SLC9D1: variants seen among roughly 807,000 people sequenced by gnomAD.
SLC9D1 encodes putative LAG1-interacting protein.
At chr13:113,498,460 G>C in the SLC9D1 span, 1 of 1,590,804 alleles carries the variant, frequency 6.3e-7, no homozygotes, top group South Asian at 1.2e-5. Context: ...GAAGATGTAA[G>C]AAAGGCAGCG....
chr13:113,524,739 C>T, the SLC9D1 span, among the ~76,000 whole-genome samples: 1 of 151,558 alleles, frequency 6.6e-6, no homozygotes, highest in African/African-American at 2.4e-5. Context: ...AATGGTGTAT[C>T]CTTTTCATAC....
chr13:113,536,464 T>G, the SLC9D1 span: 1 of 569,618 alleles, frequency 1.8e-6, no homozygotes, highest in Non-Finnish European at 2.2e-6. Context: ...TGTAGTGATT[T>G]TAACTATTTC....
the SLC9D1 span, chr13:113,534,039 T>G: frequency 6.3e-6 from 10 of 1,582,392 alleles, no homozygotes; most frequent in Non-Finnish European, 7.7e-6. Flanking sequence ...CTTTTTTCTT[T>G]CCCAGCATTG....
chr13:113,538,613 G>A, the SLC9D1 span, among the ~76,000 whole-genome samples: 1 of 152,248 alleles, frequency 6.6e-6, no homozygotes, highest in Non-Finnish European at 1.5e-5. Context: ...GCAGTGTCAG[G>A]TGCAGGCCTT....
the SLC9D1 span, chr13:113,549,599 C>A: frequency 3.1e-6 from 5 of 1,607,694 alleles, no homozygotes; most frequent in Non-Finnish European, 4.3e-6. Context: ...GCTTAGATGG[C>A]CAGCAGCTGC....
the SLC9D1 span, among the ~76,000 whole-genome samples, chr13:113,522,952 G>A: frequency 1.3e-5 from 2 of 152,154 alleles, no homozygotes; most frequent in African/African-American, 4.8e-5. Context: ...TAGTTGACAT[G>A]ATGGATAACA....
chr13:113,520,758 G>A, the SLC9D1 span: 1 of 1,506,364 alleles, frequency 6.6e-7, no homozygotes, highest in African/African-American at 1.4e-5. Context: ...TACGCAATTT[G>A]TTTTTATAGT....
chr13:113,517,877 G>A, the SLC9D1 span, among the ~76,000 whole-genome samples: 3 of 151,044 alleles, frequency 2.0e-5, no homozygotes, highest in South Asian at 6.3e-4. Context: ...TGGGTGGAGG[G>A]AAGAGGGGCC....
chr13:113,502,729 T>C, the SLC9D1 span, among the ~76,000 whole-genome samples: 1 of 152,150 alleles, frequency 6.6e-6, no homozygotes, highest in African/African-American at 2.4e-5. Context: ...TGAGTCCCAC[T>C]GGAGGGAGGC....
the SLC9D1 span, chr13:113,524,123 A>G: frequency 3.0e-6 from 1 of 337,046 alleles, no homozygotes; most frequent in South Asian, 2.0e-5. Flanking sequence ...AATATATGTC[A>G]GTCAGTTAAC....
chr13:113,539,261 CGTG>C, the SLC9D1 span: 2 of 1,171,394 alleles, frequency 1.7e-6, no homozygotes, highest in Non-Finnish European at 2.4e-6. The surrounding 1 kb of genome is among the most constrained non-coding windows in gnomAD (Gnocchi z 4.8). Flanking sequence ...TGTGTTTTGT[CGTG>C]GTGGCTCTGC....
the SLC9D1 span, chr13:113,520,502 A>G: frequency 1.1e-5 from 8 of 716,138 alleles, no homozygotes; most frequent in Admixed American, 7.7e-5. Flanking sequence ...AAAAAAAAAA[A>G]GTAAAGTGCC....
At chr13:113,521,980 G>C in the SLC9D1 span, among the ~76,000 whole-genome samples, 1 of 152,142 alleles carries the variant, frequency 6.6e-6, no homozygotes, top group Non-Finnish European at 1.5e-5. Context: ...AGACCTTTTT[G>C]AAACTTCTTT....
At chr13:113,534,025 G>A in the SLC9D1 span, 35 of 1,563,534 alleles carry the variant, frequency 2.2e-5, no homozygotes, top group African/African-American at 2.8e-5. Context: ...GTGAAATCAC[G>A]TCTCTTTTTT....
At chr13:113,541,401 C>T in the SLC9D1 span, among the ~76,000 whole-genome samples, 1 of 147,096 alleles carries the variant, frequency 6.8e-6, no homozygotes, top group Non-Finnish European at 1.5e-5. Context: ...GATACGCACA[C>T]GATCGCTGAT....
the SLC9D1 span, among the ~76,000 whole-genome samples, chr13:113,509,038 CT>C: frequency 1.1e-4 from 17 of 148,534 alleles, no homozygotes; most frequent in African/African-American, 3.5e-4. Flanking sequence ...GGTGGGTCCC[CT>C]GACACTGCCT....
At chr13:113,527,414 C>A in the SLC9D1 span, 4 of 152,274 alleles carry the variant, frequency 2.6e-5, no homozygotes, top group Middle Eastern at 3.4e-3. Context: ...GGCCTTTGTC[C>A]CCGCGTCACT....
chr13:113,492,108 G>A, the SLC9D1 span, among the ~76,000 whole-genome samples: 1 of 152,080 alleles, frequency 6.6e-6, no homozygotes, highest in Non-Finnish European at 1.5e-5. Context: ...GCCTCCCCAG[G>A]AGCTGGGGCC....
chr13:113,527,454 C>T, the SLC9D1 span: 1 of 152,128 alleles, frequency 6.6e-6, no homozygotes, highest in African/African-American at 2.4e-5. Context: ...TGTGGATTTC[C>T]AGGTGGTGGC....
Sources: gnomAD v4.1 joint callset for allele counts (sites outside exome capture counted in the v4.1 genomes callset) on GRCh38, gnomAD v4.1.1 for gene constraint, Gnocchi (gnomAD v3.1) non-coding constraint, MANE v1.5 for transcripts, NCBI Gene and HGNC (gene_info 2026-07-23, HGNC 2026-07-21) for gene names.